SDC3: variants seen among roughly 807,000 people sequenced by gnomAD.
SDC3 encodes the protein syndecan 3.
A neutral mutation model predicts 24.4 loss-of-function variants in SDC3; 13 were observed. The observed-to-expected ratio is 0.53, with a 90% CI of 0.35 to 0.85. The LOEUF (loss-of-function observed/expected upper bound fraction) is 0.85, where lower values mean the gene tolerates loss of function less well. Among genes scored for constraint, SDC3 ranks in the 40% least tolerant of loss-of-function variants. The pLI, the probability that SDC3 is intolerant of heterozygous loss-of-function variation, is 0.01. For missense variants in SDC3, 571 were observed against 584.5 expected (o/e 0.98, Z 0.24); for synonymous variants, 295 against 260.9 (o/e 1.13, Z -1.26).
intron 1 of SDC3, among the ~76,000 whole-genome samples, chr1:30,905,385 ACACG>A (rs1448452182): frequency 7.5e-6 from 1 of 133,330 alleles, no homozygotes; most frequent in African/African-American, 2.8e-5. Context: ...ACACACACAC[ACACG>A]TCTCCCACCC....
intron 1 of SDC3, among the ~76,000 whole-genome samples, chr1:30,902,537 G>C (rs910394605): frequency 1.3e-5 from 2 of 152,234 alleles, no homozygotes; most frequent in Non-Finnish European, 2.9e-5. Flanking sequence ...CAGAGGCCTG[G>C]AGGGGCCAGT....
At position 30,870,191 on chromosome 1, in the gene SDC3, G is replaced by T; in HGVS notation, c.*3020C>A. ...GCTTTGCCAACCCCAGGGGGGTTTG[G>T]CCCACACACCCTAAGCCCTGCCCAG... is the stretch of plus-strand genomic sequence containing the variant. On this transcript the variant is annotated 3_prime_UTR_variant, in exon 5 of 5. Transcript: ENST00000339394. 3.0e-6 allele frequency: 1 copy of T among 329,014 alleles called. No homozygotes were observed. The highest frequency in any genetic ancestry group is 5.5e-6 in the Non-Finnish European group (1 of 182,630). The allele number at this position is 329,014 out of a possible 1,614,324, so 20.4% of individuals were successfully genotyped here. A position where few individuals can be genotyped will look rare whatever the true frequency, so the allele number is the denominator to read the frequency against.
chr1:30,896,760 G>A (rs1005397730), intron 1 of SDC3, among the ~76,000 whole-genome samples: 20 of 152,108 alleles, frequency 1.3e-4, no homozygotes, highest in African/African-American at 3.9e-4. Context: ...CCAGTAGTTC[G>A]AAACCAGCCT....
At chr1:30,881,160 A>G (rs1205000927) in intron 1 of SDC3, among the ~76,000 whole-genome samples, 1 of 151,532 alleles carries the variant, frequency 6.6e-6, no homozygotes, top group African/African-American at 2.4e-5. Context: ...ACCAATCTGT[A>G]TACTCACCAC....
chr1:30,884,645 C>T (rs748939805), intron 1 of SDC3, among the ~76,000 whole-genome samples: 13 of 152,140 alleles, frequency 8.5e-5, no homozygotes, highest in Non-Finnish European at 1.5e-4. Flanking sequence ...CTGGCTCAGG[C>T]GCCCACAGCC....
At position 30,874,682 on chromosome 1, in the gene SDC3, C is replaced by T. The variant is rs993030948; in HGVS notation, c.871-94G>A. 5.2e-6 allele frequency: 6 copies of T among 1,145,342 alleles called. No homozygotes were observed. The African/African-American group carries it at 9.2e-5, about 17-fold the overall frequency. 70.9% of individuals were successfully genotyped at this position (1,145,342 alleles called of 1,614,324 possible). ...TGCCCTGGGGGGCTAACACTTAGCACTCCCTACATGCCAGGCACTGTGCTA... is the reference window on the plus strand; with the variant it reads ...TGCCCTGGGGGGCTAACACTTAGCATTCCCTACATGCCAGGCACTGTGCTA... On this transcript the variant is annotated intron_variant, in intron 3 of 4. Transcript: ENST00000339394.
chr1:30,873,002 T>A lies in SDC3; in HGVS notation c.*209A>T, dbSNP rs890956049. 3 of 573,714 alleles carry A rather than the reference T, an allele frequency of 5.2e-6. No individual in the cohort carries two copies. The highest frequency in any genetic ancestry group is 9.3e-6 in the Non-Finnish European group (3 of 323,164). 35.5% of individuals were successfully genotyped at this position (573,714 alleles called of 1,614,324 possible). ...ATGAGGGGAACAAGAGATGAGCTCGTAAGGGCACAGTCTGGGGCAGATGGC... is the reference window on the plus strand; with the variant it reads ...ATGAGGGGAACAAGAGATGAGCTCGAAAGGGCACAGTCTGGGGCAGATGGC... On this transcript the variant is annotated 3_prime_UTR_variant, in exon 5 of 5. Transcript: ENST00000339394.
rs1377346877 is a variant in SDC3 at position 30,869,523 on chromosome 1, AAAAAC to A, written c.*3683_*3687del. 1.5e-4 allele frequency: 51 copies of A among 329,652 alleles called. No individual in the cohort carries two copies. The highest frequency in any genetic ancestry group is 2.1e-4 in the Non-Finnish European group (42 of 201,060). 20.4% of individuals were successfully genotyped at this position (329,652 alleles called of 1,614,324 possible). On this transcript the variant is annotated 3_prime_UTR_variant, in exon 5 of 5. Coordinates refer to ENST00000339394, the MANE Select transcript of SDC3 (RefSeq NM_014654.4). ...ATGGGCACAGCACAGGAAGTGTTAA[AAAAAC>A]AAACAAACAAAAAAAAAAAAAAAAA... is the stretch of plus-strand genomic sequence containing the variant.
chr1:30,891,273 C>T (rs890024774), intron 1 of SDC3, among the ~76,000 whole-genome samples: 1 of 152,214 alleles, frequency 6.6e-6, no homozygotes, highest in Non-Finnish European at 1.5e-5. Flanking sequence ...ACCCTGAGGA[C>T]AGGTGCCTCT....
intron 2 of SDC3, chr1:30,877,472 C>G: frequency 1.7e-6 from 1 of 571,842 alleles, no homozygotes. Context: ...GCAGCAGCAA[C>G]TGAGGCGCTA....
intron 1 of SDC3, among the ~76,000 whole-genome samples, chr1:30,887,905 C>T (rs1449942716): frequency 6.6e-6 from 1 of 152,226 alleles, no homozygotes; most frequent in South Asian, 2.1e-4. Context: ...GAGGAATGAA[C>T]AAGAGTTCTC....
At position 30,876,995 on chromosome 1, in the gene SDC3, G is replaced by A; in HGVS notation, c.427C>T (p.Leu143=). ...RPTLEPATSP[L]VVTEVPEEPS... The stretch of plus-strand genomic sequence containing the variant: ...TCTTCCGGGACTTCTGTCACCACCA[G>A]GGGGCTGGTGGCTGGCTCCAGGGTG... The change falls in exon 3 of 5, where the codon CTG becomes TTG. Residue 143 remains leucine, a synonymous_variant. Transcript: ENST00000339394. The A allele has an allele frequency of 1.2e-6, 2 of 1,613,576 alleles. No homozygotes were observed.
chr1:30,900,078 C>T (rs775135524), intron 1 of SDC3, among the ~76,000 whole-genome samples: 9 of 152,208 alleles, frequency 5.9e-5, no homozygotes, highest in East Asian at 1.9e-4. Flanking sequence ...CTTTTCCCCA[C>T]GCTCTTGAAC....
rs1469275136 is a variant in SDC3 at position 30,876,870 on chromosome 1, G to A, written c.552C>T (p.Ala184=). The change falls in exon 3 of 5, where the codon GCC becomes GCT. Residue 184 remains alanine, a synonymous_variant. Coordinates refer to ENST00000339394, the MANE Select transcript of SDC3 (RefSeq NM_014654.4). ...PTVATVPATV[A]TATPSTPAAP... is the part of the protein sequence containing the mutation. ...CTGCAGGGGTGCTGGGGGTGGCGGT[G>A]GCCACTGTGGCAGGCACTGTGGCCA... The A allele has an allele frequency of 6.2e-7, 1 of 1,613,424 alleles. No homozygotes were observed. The highest frequency in any genetic ancestry group is 1.1e-5 in the South Asian group (1 of 91,058).
intron 1 of SDC3, among the ~76,000 whole-genome samples, chr1:30,889,086 C>G (rs1048704853): frequency 6.6e-6 from 1 of 152,216 alleles, no homozygotes; most frequent in Non-Finnish European, 1.5e-5. Flanking sequence ...CTCTGATGCT[C>G]GACTATGTGG....
intron 1 of SDC3, among the ~76,000 whole-genome samples, chr1:30,907,437 A>AG (rs926493821): frequency 4.6e-5 from 7 of 152,150 alleles, no homozygotes; most frequent in Admixed American, 1.3e-4. Flanking sequence ...GGTTCCCCTC[A>AG]GGGGTCCTCG....
intron 1 of SDC3, among the ~76,000 whole-genome samples, chr1:30,889,130 G>A (rs896630887): frequency 2.6e-5 from 4 of 152,176 alleles, no homozygotes; most frequent in East Asian, 1.9e-4. Flanking sequence ...CACCAGCTAC[G>A]CGACTCTGGG....
chr1:30,870,119 GTCTGCTC>G lies in SDC3; in HGVS notation c.*3085_*3091del. ...CCACTCCTACCCCATGAGGCAGAGG[GTCTGCTC>G]CCTGTGTCCAGGGGCCCCCACCAGG... On this transcript the variant is annotated 3_prime_UTR_variant, in exon 5 of 5. Coordinates refer to ENST00000339394, the MANE Select transcript of SDC3 (RefSeq NM_014654.4). 3 of 390,824 alleles carry G rather than the reference GTCTGCTC, an allele frequency of 7.7e-6. No individual in the cohort carries two copies. The highest frequency in any genetic ancestry group is 9.0e-6 in the Non-Finnish European group (2 of 221,750). The allele number at this position is 390,824 out of a possible 1,614,324, so 24.2% of individuals were successfully genotyped here.
chr1:30,877,030 G>C lies in SDC3; in HGVS notation c.392C>G (p.Ser131Cys), dbSNP rs745905618. ...GGCTGGCTCCAGGGTGGGGCGCTCA[G>C]AGGGGAGCTCTTCAAATGGTGTGCC... Reference protein sequence around the residue: ...PVGTPFEELPSERPTLEPATS... With the variant: ...PVGTPFEELPCERPTLEPATS... Residue 131 changes from serine (S) to cysteine (C), a missense_variant, in exon 3 of 5, where the codon TCT becomes TGT. Around this residue, in one of 2 missense-constraint regions of SDC3, gnomAD observed 497 missense variants for 471.6 expected, o/e 1.05. Transcript: ENST00000339394. 1.9e-6 allele frequency: 3 copies of C among 1,613,930 alleles called. No individual in the cohort carries two copies. In the East Asian group the frequency reaches 6.7e-5, roughly 36 times the overall value.
Sources: allele counts gnomAD v4.1 joint callset (sites outside exome capture counted in the v4.1 genomes callset), GRCh38; gene constraint gnomAD v4.1.1; regional missense constraint gnomAD v4.1.1; transcripts MANE v1.5; gene names NCBI Gene and HGNC (gene_info 2026-07-23, HGNC 2026-07-21).